ST6GALNAC5: variants seen among roughly 807,000 people sequenced by gnomAD.
The protein encoded by ST6GALNAC5 is ST6 N-acetylgalactosaminide alpha-2,6-sialyltransferase 5.
Under a neutral mutation model 33.6 loss-of-function variants are expected in ST6GALNAC5, and 27 were observed. That is an observed-to-expected ratio of 0.80 (90% CI 0.59 to 1.11). The LOEUF is 1.11. Among genes scored for constraint, ST6GALNAC5 ranks in the 50% least tolerant of loss-of-function variants. The pLI, the probability that ST6GALNAC5 is intolerant of heterozygous loss-of-function variation, is 0.00. For synonymous variants in ST6GALNAC5, 194 were observed against 171.2 expected (o/e 1.13, Z -1.04); for missense variants, 428 against 454.0 (o/e 0.94, Z 0.52).
chr1:76,907,176 T>C (rs753525100), intron 2 of ST6GALNAC5, among the ~76,000 whole-genome samples: 4 of 152,150 alleles, frequency 2.6e-5, no homozygotes, highest in Non-Finnish European at 5.9e-5. Context: ...ACGAGAGGGA[T>C]CCAAGACTCA....
chr1:77,033,673 G>T (rs1415146773), intron 2 of ST6GALNAC5, among the ~76,000 whole-genome samples: 1 of 152,168 alleles, frequency 6.6e-6, no homozygotes, highest in Admixed American at 6.5e-5. Context: ...TGACATTTAA[G>T]CTGAGACCTG....
intron 2 of ST6GALNAC5, among the ~76,000 whole-genome samples, chr1:76,935,649 G>A (rs893255073): frequency 5.9e-5 from 9 of 151,888 alleles, no homozygotes; most frequent in Admixed American, 5.3e-4. Context: ...CTCATAAAGG[G>A]GAAATTGCCC....
rs1011103727 is a variant in ST6GALNAC5 at position 76,985,543 on chromosome 1, C to A, written c.262-58661C>A. Among the ~76,000 whole-genome samples the A allele has an allele frequency of 3.9e-5, 6 of 152,264 alleles. 1 individual carries two copies. Among genetic ancestry groups the A allele is most frequent in the Admixed American group, 2.6e-4 (4 of 15,294 alleles). ...AACAAATGGAAGAATATTCCATGCT[C>A]ATGGATAGGAAGAATCAATATCATG... On this transcript the variant is annotated intron_variant, in intron 2 of 4. Coordinates refer to ENST00000477717, the MANE Select transcript of ST6GALNAC5 (RefSeq NM_030965.3).
intron 2 of ST6GALNAC5, among the ~76,000 whole-genome samples, chr1:76,918,902 C>T (rs555761701): frequency 5.9e-5 from 9 of 152,072 alleles, no homozygotes; most frequent in Non-Finnish European, 1.2e-4. Context: ...TTTACTTCTC[C>T]ATTTATTTGT....
At chr1:76,921,897 A>C (rs1230311195) in intron 2 of ST6GALNAC5, among the ~76,000 whole-genome samples, 2 of 152,196 alleles carry the variant, frequency 1.3e-5, no homozygotes, top group Non-Finnish European at 2.9e-5. Flanking sequence ...CCCTTACAGC[A>C]TATATCATAC....
chr1:76,950,399 A>G (rs946005669), intron 2 of ST6GALNAC5, among the ~76,000 whole-genome samples: 1 of 152,144 alleles, frequency 6.6e-6, no homozygotes, highest in African/African-American at 2.4e-5. Flanking sequence ...ACTTATAGGT[A>G]AGAAACTGAG....
chr1:76,902,430 G>C (rs1213543864), intron 2 of ST6GALNAC5, among the ~76,000 whole-genome samples: 1 of 152,078 alleles, frequency 6.6e-6, no homozygotes, highest in East Asian at 1.9e-4. Flanking sequence ...ATCTTGTTAA[G>C]ATAATAGTGC....
intron 2 of ST6GALNAC5, among the ~76,000 whole-genome samples, chr1:76,907,490 A>G (rs1183933611): frequency 6.6e-6 from 1 of 152,200 alleles, no homozygotes; most frequent in Non-Finnish European, 1.5e-5. Context: ...AATAACAAGT[A>G]GAACAGACAT....
At chr1:76,999,563 A>G (rs1182724632) in intron 2 of ST6GALNAC5, among the ~76,000 whole-genome samples, 7 of 151,360 alleles carry the variant, frequency 4.6e-5, no homozygotes, top group Non-Finnish European at 1.0e-4. Flanking sequence ...ATATGTATAC[A>G]TGTGCCATGC....
chr1:76,869,401 G>A (rs1439641089), intron 2 of ST6GALNAC5, among the ~76,000 whole-genome samples: 1 of 152,174 alleles, frequency 6.6e-6, no homozygotes, highest in African/African-American at 2.4e-5. Context: ...TTTAAAATTG[G>A]GCCTCCTTTC....
intron 2 of ST6GALNAC5, among the ~76,000 whole-genome samples, chr1:77,023,471 A>G (rs527293854): frequency 6.6e-6 from 1 of 152,294 alleles, no homozygotes; most frequent in South Asian, 2.1e-4. Context: ...CTCTTCCAGC[A>G]TGGGTTCCCA....
rs551240742 is a variant in ST6GALNAC5 at position 76,913,645 on chromosome 1, C to T, written c.261+44903C>T. ...TCTTATTCTTTTTTCTCTAAACTTC[C>T]CTTCTCGCTTCATTTCATTCATTTC... On this transcript the variant is annotated intron_variant, in intron 2 of 4. Coordinates refer to ENST00000477717, the MANE Select transcript of ST6GALNAC5 (RefSeq NM_030965.3). Among the ~76,000 whole-genome samples, 942 of 152,102 alleles carry T rather than the reference C, an allele frequency of 6.2e-3. 6 individuals are homozygous for T. Among genetic ancestry groups the T allele is most frequent in the Non-Finnish European group, 8.0e-3 (547 of 67,980 alleles).
chr1:76,973,558 A>C (rs1340464863), intron 2 of ST6GALNAC5, among the ~76,000 whole-genome samples: 4 of 152,154 alleles, frequency 2.6e-5, no homozygotes, highest in African/African-American at 9.7e-5. Context: ...AACATCAAGA[A>C]TAATGTTTGA....
At chr1:76,936,830 A>G (rs1048040801) in intron 2 of ST6GALNAC5, among the ~76,000 whole-genome samples, 2 of 151,954 alleles carry the variant, frequency 1.3e-5, no homozygotes, top group Non-Finnish European at 2.9e-5. Flanking sequence ...ATGTGGTGGA[A>G]GGAGCATTGG....
chr1:76,906,775 G>A (rs1405144604), intron 2 of ST6GALNAC5, among the ~76,000 whole-genome samples: 1 of 152,104 alleles, frequency 6.6e-6, no homozygotes, highest in East Asian at 1.9e-4. Context: ...TCTCCCTCCT[G>A]CATATCCAAC....
chr1:76,937,860 G>A (rs369157674), intron 2 of ST6GALNAC5, among the ~76,000 whole-genome samples: 1 of 152,004 alleles, frequency 6.6e-6, no homozygotes, highest in East Asian at 1.9e-4. Flanking sequence ...TATGACTAGG[G>A]TATCAATATC....
intron 2 of ST6GALNAC5, among the ~76,000 whole-genome samples, chr1:76,914,768 G>T (rs1199649824): frequency 6.6e-6 from 1 of 152,068 alleles, no homozygotes; most frequent in East Asian, 1.9e-4. Context: ...TACCATTCAG[G>T]ACATAGGCAT....
chr1:76,956,715 AG>A (rs1648007155), intron 2 of ST6GALNAC5, among the ~76,000 whole-genome samples: 1 of 152,174 alleles, frequency 6.6e-6, no homozygotes, highest in African/African-American at 2.4e-5. Flanking sequence ...ACTGAAGGCC[AG>A]CTGTATTTCC....
intron 2 of ST6GALNAC5, among the ~76,000 whole-genome samples, chr1:76,910,165 A>C (rs1175670129): frequency 1.3e-5 from 2 of 152,052 alleles, no homozygotes; most frequent in Non-Finnish European, 2.9e-5. Flanking sequence ...AGTTCATCTT[A>C]AAGTAGTTTC....
Sources: gnomAD v4.1 joint callset for allele counts (sites outside exome capture counted in the v4.1 genomes callset) on GRCh38, gnomAD v4.1.1 for gene constraint, MANE v1.5 for transcripts, NCBI Gene and HGNC (gene_info 2026-07-23, HGNC 2026-07-21) for gene names.